The following DNAAF9 variants were observed in gnomAD, a reference collection of about 807,000 sequenced individuals.
DNAAF9 encodes dynein axonemal assembly factor 9.
DNAAF9 carries 90 observed loss-of-function variants against 167.0 expected under a neutral mutation model. That is an observed-to-expected ratio of 0.54 (90% CI 0.45 to 0.64). The LOEUF (loss-of-function observed/expected upper bound fraction) is 0.64, where lower values mean the gene tolerates loss of function less well. DNAAF9 is among the 30% of genes least tolerant of loss of function. DNAAF9 has a pLI of 0.00. For synonymous variants in DNAAF9, 491 were observed against 508.8 expected (o/e 0.96, Z 0.47); for missense variants, 1,315 against 1,442.2 (o/e 0.91, Z 1.43).
At chr20:3,314,636 C>T (rs2069471956) in intron 20 of DNAAF9, among the ~76,000 whole-genome samples, 1 of 152,192 alleles carries the variant, frequency 6.6e-6, no homozygotes, top group South Asian at 2.1e-4. Context: ...CCAAGCCTGC[C>T]TGAACTTCTG....
intron 29 of DNAAF9, among the ~76,000 whole-genome samples, chr20:3,274,088 A>G (rs971896481): frequency 1.3e-5 from 2 of 152,154 alleles, no homozygotes; most frequent in African/African-American, 4.8e-5. Context: ...AAAGAAAAAA[A>G]GTTCTTTTGA....
At chr20:3,369,337 G>A (rs2083478321) in intron 6 of DNAAF9, among the ~76,000 whole-genome samples, 1 of 151,568 alleles carries the variant, frequency 6.6e-6, no homozygotes, top group Admixed American at 6.6e-5. Context: ...CTACTCATTG[G>A]ATATTAGACT....
intron 6 of DNAAF9, among the ~76,000 whole-genome samples, chr20:3,368,468 CT>C (rs1027967860): frequency 8.2e-5 from 12 of 147,110 alleles, no homozygotes; most frequent in African/African-American, 2.7e-4. Context: ...TCCTGGAAGC[CT>C]TTTTTTTTCT....
intron 11 of DNAAF9, 109 bp from the exon 12 acceptor site, chr20:3,330,791 C>CAT: frequency 2.4e-6 from 1 of 414,496 alleles, no homozygotes; most frequent in East Asian, 4.7e-5. Flanking sequence ...AAGAACTACA[C>CAT]TTTTTTTTTT....
intron 10 of DNAAF9, among the ~76,000 whole-genome samples, chr20:3,337,440 GTTTTTTTT>G (rs55881467): frequency 7.4e-6 from 1 of 134,402 alleles, no homozygotes; most frequent in Admixed American, 7.6e-5. Flanking sequence ...CTTTTTTTTT[GTTTTTTTT>G]TTTTTTGGTA....
rs1166200037 is a variant in DNAAF9, at chr20:3,296,959, A to G, written c.1930-10T>C. ...TCCAGAGGGAGAAGACCTAAACAAA[A>G]CAGAATTTGAGCAAAGAACACTTTA... On this transcript the variant is annotated splice_polypyrimidine_tract_variant and intron_variant, in intron 22 of 36. Transcript: ENST00000252032. 18 of 1,536,492 alleles carry G rather than the reference A, an allele frequency of 1.2e-5. No homozygotes were observed. Among genetic ancestry groups the G allele is most frequent in the Non-Finnish European group, 1.6e-5 (18 of 1,110,580 alleles).
Position 3,394,942 on chromosome 20 carries a change from CTTTTTTCTTTTTTTTTTTTT to C in DNAAF9, c.84-12456_84-12437del, listed in dbSNP as rs1600922218. Among the ~76,000 whole-genome samples the C allele has an allele frequency of 1.2e-4, 11 of 89,058 alleles. No homozygotes were observed. In the East Asian group the frequency reaches 1.6e-3, roughly 13 times the overall value. 58.4% of individuals were successfully genotyped at this position (89,058 alleles called of 152,430 possible). A position where few individuals can be genotyped will look rare whatever the true frequency, so the allele number is the denominator to read the frequency against. On this transcript the variant is annotated intron_variant, in intron 1 of 36. Transcript: ENST00000252032. The stretch of plus-strand genomic sequence containing the variant: ...TTCCATGGCTTTTACTGAACATTTT[CTTTTTTCTTTTTTTTTTTTT>C]TTTTTTTTTTTTTTTTTTTTTTTGA...
chr20:3,317,104 A>G (rs1031227466), intron 17 of DNAAF9, among the ~76,000 whole-genome samples: 3 of 151,960 alleles, frequency 2.0e-5, no homozygotes, highest in Non-Finnish European at 4.4e-5. Context: ...CATGCTAGCT[A>G]GGCTGGTCTC....
intron 10 of DNAAF9, among the ~76,000 whole-genome samples, chr20:3,338,414 T>C (rs558690155): frequency 1.3e-5 from 2 of 152,276 alleles, no homozygotes; most frequent in African/African-American, 4.8e-5. Flanking sequence ...CTCTTTGTCT[T>C]TGATCTTCTG....
At chr20:3,281,551 G>A (rs1012024475) in intron 28 of DNAAF9, 90 bp downstream of exon 28, 46 of 1,238,060 alleles carry the variant, frequency 3.7e-5, no homozygotes, top group Non-Finnish European at 2.7e-5. Context: ...TACATACAAG[G>A]TGACTAATGC....
At chr20:3,257,441 G>C (rs2068300481) in intron 33 of DNAAF9, among the ~76,000 whole-genome samples, 2 of 152,064 alleles carry the variant, frequency 1.3e-5, no homozygotes, top group Admixed American at 1.3e-4. Flanking sequence ...GAGCCTGGGA[G>C]GTCAAGGATG....
chr20:3,395,887 T>C (rs1282063102), intron 1 of DNAAF9, among the ~76,000 whole-genome samples: 1 of 152,200 alleles, frequency 6.6e-6, no homozygotes, highest in Admixed American at 6.5e-5. Flanking sequence ...CACCCAAATC[T>C]CATCTTGAAT....
chr20:3,351,943 G>T (rs1424451065), intron 7 of DNAAF9, among the ~76,000 whole-genome samples: 1 of 151,992 alleles, frequency 6.6e-6, no homozygotes, highest in African/African-American at 2.4e-5. Flanking sequence ...ATTTTTAGTA[G>T]ATATGGGGTT....
chr20:3,310,423 G>A (rs536641053), intron 20 of DNAAF9, among the ~76,000 whole-genome samples: 2 of 151,564 alleles, frequency 1.3e-5, no homozygotes, highest in South Asian at 4.2e-4. Flanking sequence ...AGTGGGTCAC[G>A]CCTGTAATCC....
At chr20:3,287,079 AAAT>A (rs2068864415) in intron 27 of DNAAF9, among the ~76,000 whole-genome samples, 1 of 152,190 alleles carries the variant, frequency 6.6e-6, no homozygotes, top group Admixed American at 6.5e-5. Flanking sequence ...TGCACACTCA[AAAT>A]AATCATGCTT....
intron 21 of DNAAF9, among the ~76,000 whole-genome samples, chr20:3,303,683 C>A (rs931714729): frequency 1.3e-5 from 2 of 152,218 alleles, no homozygotes; most frequent in Non-Finnish European, 2.9e-5. Flanking sequence ...CAAAATACCT[C>A]ACATAGTCTC....
Position 3,307,960 on chromosome 20 carries a change from C to G in DNAAF9, c.1679-3417G>C, listed in dbSNP as rs970082275. Among the ~76,000 whole-genome samples, 3 of 86,196 alleles carry G rather than the reference C, an allele frequency of 3.5e-5. No homozygotes were observed. The Admixed American group carries it at 4.0e-4, about 11-fold the overall frequency. 56.5% of individuals were successfully genotyped at this position (86,196 alleles called of 152,430 possible). On this transcript the variant is annotated intron_variant, in intron 20 of 36. Coordinates refer to ENST00000252032, the MANE Select transcript of DNAAF9 (RefSeq NM_001009984.3). ...TATAAATGTGTGTGAAATGTACACA[C>G]AAGGTTTAAAAAAAAAAAAAAAAAA... is the stretch of plus-strand genomic sequence containing the variant.
chr20:3,345,180 G>C (rs149035940), intron 8 of DNAAF9, among the ~76,000 whole-genome samples: 1 of 151,948 alleles, frequency 6.6e-6, no homozygotes, highest in African/African-American at 2.4e-5. Context: ...CACCACAGCC[G>C]GCTAATTTTG....
At chr20:3,285,872 T>C (rs2068844295) in intron 27 of DNAAF9, among the ~76,000 whole-genome samples, 1 of 149,822 alleles carries the variant, frequency 6.7e-6, no homozygotes, top group Non-Finnish European at 1.5e-5. Context: ...CCCAGCTACT[T>C]GGGAGGCTGA....
Sources: gnomAD v4.1 joint callset for allele counts (sites outside exome capture counted in the v4.1 genomes callset) on GRCh38, gnomAD v4.1.1 for gene constraint, MANE v1.5 for transcripts, NCBI Gene and HGNC (gene_info 2026-07-23, HGNC 2026-07-21) for gene names.